Variants in PRKCH observed in about 807,000 individuals in gnomAD.
PRKCH encodes protein kinase C eta.
In PRKCH, 28 loss-of-function variants were observed where a neutral mutation model predicts 82.5. The ratio of observed to expected loss-of-function variants is 0.34; its 90% confidence interval spans 0.25 to 0.47. The LOEUF (loss-of-function observed/expected upper bound fraction) is 0.47. Among genes scored for constraint, PRKCH ranks in the 20% least tolerant of loss-of-function variants. PRKCH has a pLI of 1.00. For synonymous variants in PRKCH, 322 were observed against 327.4 expected (o/e 0.98, Z 0.18); for missense variants, 705 against 881.8 (o/e 0.80, Z 2.54).
intron 1 of PRKCH, chr14:61,353,909 C>T (rs190831252): frequency 1.3e-5 from 2 of 152,094 alleles, no homozygotes; most frequent in Admixed American, 6.6e-5. Context: ...TACACTCCAG[C>T]AGGAGCAACA....
intron 1 of PRKCH, among the ~76,000 whole-genome samples, chr14:61,206,810 A>G (rs1041425634): frequency 1.3e-5 from 2 of 151,016 alleles, no homozygotes; most frequent in Non-Finnish European, 3.0e-5. Context: ...TAGAAAAAGA[A>G]AAAAAAAAGA....
intron 1 of PRKCH, among the ~76,000 whole-genome samples, chr14:61,236,699 C>T (rs1164806367): frequency 9.0e-6 from 1 of 111,728 alleles, no homozygotes. Flanking sequence ...AGAGAAGACC[C>T]TGTCTCAAAA....
intron 1 of PRKCH, among the ~76,000 whole-genome samples, chr14:61,360,466 C>G (rs968957400): frequency 1.3e-5 from 2 of 151,954 alleles, no homozygotes; most frequent in Non-Finnish European, 2.9e-5. Context: ...AGTCGCGCCA[C>G]TGCACTCCAG....
chr14:61,380,881 T>TA (rs2046497892), intron 1 of PRKCH, among the ~76,000 whole-genome samples: 1 of 152,224 alleles, frequency 6.6e-6, no homozygotes, highest in Non-Finnish European at 1.5e-5. Context: ...AAAAGAGTTT[T>TA]ACTTTTGCCA....
chr14:61,512,380 G>A (rs540895121), intron 10 of PRKCH, among the ~76,000 whole-genome samples: 3 of 151,006 alleles, frequency 2.0e-5, no homozygotes, highest in South Asian at 2.1e-4. Flanking sequence ...TTCTGGAACT[G>A]TGTTCCCAAA....
chr14:61,221,630 C>T (rs1243342890), intron 1 of PRKCH, among the ~76,000 whole-genome samples: 1 of 152,094 alleles, frequency 6.6e-6, no homozygotes, highest in Non-Finnish European at 1.5e-5. Context: ...CACTCTGTTC[C>T]CCGGGGATAG....
intron 1 of PRKCH, among the ~76,000 whole-genome samples, chr14:61,247,934 T>C (rs1367389330): frequency 6.6e-6 from 1 of 152,074 alleles, no homozygotes; most frequent in Non-Finnish European, 1.5e-5. Flanking sequence ...CCATGGGCCT[T>C]ATTTTCTATA....
intron 5 of PRKCH, among the ~76,000 whole-genome samples, chr14:61,449,603 A>G (rs964846902): frequency 6.6e-6 from 1 of 152,116 alleles, no homozygotes; most frequent in Admixed American, 6.5e-5. Flanking sequence ...GGAGCCCTGA[A>G]CTTGGCATCT....
At chr14:61,248,545 G>T (rs1186551053) in intron 1 of PRKCH, among the ~76,000 whole-genome samples, 1 of 152,114 alleles carries the variant, frequency 6.6e-6, no homozygotes, top group Admixed American at 6.5e-5. Context: ...ATCTGAGGGG[G>T]CCTGAACAAG....
intron 1 of PRKCH, among the ~76,000 whole-genome samples, chr14:61,245,794 A>G (rs147622583): frequency 1.6e-4 from 24 of 152,364 alleles, no homozygotes; most frequent in African/African-American, 5.8e-4. Context: ...GTTCATTAGT[A>G]TCCAAAACCT....
intron 10 of PRKCH, among the ~76,000 whole-genome samples, chr14:61,490,771 G>A (rs1034066308): frequency 6.6e-6 from 1 of 152,076 alleles, no homozygotes; most frequent in Non-Finnish European, 1.5e-5. Flanking sequence ...AAAATTAGGT[G>A]GGCATGGTGT....
chr14:61,530,450 C>T lies in PRKCH; in HGVS notation c.1616C>T (p.Ala539Val). 6.2e-7 allele frequency: 1 copy of T among 1,609,256 alleles called. No individual in the cohort carries two copies. The highest frequency in any genetic ancestry group is 8.5e-7 in the Non-Finnish European group (1 of 1,177,756). The change falls in exon 12 of 14, where the codon GCA becomes GTA. Residue 539 changes from alanine (A) to valine (V), a missense_variant. Physicochemically the swap from Ala to Val is moderately conservative, Grantham distance 64. Coordinates refer to ENST00000332981, the MANE Select transcript of PRKCH (RefSeq NM_006255.5). The part of the protein sequence containing the change: ...MLYGPAVDWW[A>V]MGVLLYEMLC... ...TACGGGCCTGCAGTAGACTGGTGGGCAATGGGCGTGTTGCTCTATGAGATG... is the reference window on the plus strand; with the variant it reads ...TACGGGCCTGCAGTAGACTGGTGGGTAATGGGCGTGTTGCTCTATGAGATG...
intron 1 of PRKCH, among the ~76,000 whole-genome samples, chr14:61,309,659 A>G (rs557147278): frequency 3.1e-4 from 47 of 152,144 alleles, no homozygotes; most frequent in Non-Finnish European, 5.4e-4. Context: ...TTTGTCAAAT[A>G]TTGTCAAATC....
At chr14:61,330,182 G>C (rs1300402778) in intron 1 of PRKCH, among the ~76,000 whole-genome samples, 2 of 152,198 alleles carry the variant, frequency 1.3e-5, no homozygotes, top group Non-Finnish European at 2.9e-5. Flanking sequence ...GTAAGCCCCT[G>C]GTTTGGGGAG....
chr14:61,499,709 A>G (rs147439721), intron 10 of PRKCH, among the ~76,000 whole-genome samples: 234 of 152,174 alleles, frequency 1.5e-3, no homozygotes, highest in African/African-American at 5.5e-3. Context: ...ATGAATATCC[A>G]ACATCTGCCG....
intron 2 of PRKCH, among the ~76,000 whole-genome samples, chr14:61,419,941 A>G (rs1882748693): frequency 6.6e-6 from 1 of 152,168 alleles, no homozygotes; most frequent in Admixed American, 6.5e-5. Context: ...TTTGCCAGAG[A>G]TGCCAGTTGA....
At chr14:61,530,246 C>G (rs2043028325) in intron 11 of PRKCH, among the ~76,000 whole-genome samples, 161 bp from the exon 12 acceptor site, 1 of 152,200 alleles carries the variant, frequency 6.6e-6, no homozygotes, top group South Asian at 2.1e-4. Context: ...ACAGGGAAAA[C>G]AGACCACTCT....
intron 2 of PRKCH, among the ~76,000 whole-genome samples, chr14:61,419,366 C>T (rs1394044553): frequency 6.6e-6 from 1 of 152,160 alleles, no homozygotes; most frequent in East Asian, 1.9e-4. Flanking sequence ...GGTTTCTCAA[C>T]CCCAGCATGC....
chr14:61,523,584 TATAG>T (rs1566927560), intron 10 of PRKCH, among the ~76,000 whole-genome samples: 1 of 152,224 alleles, frequency 6.6e-6, no homozygotes, highest in East Asian at 1.9e-4. Flanking sequence ...AAAATAAGAA[TATAG>T]ATAAAGCACT....
Sources: gnomAD v4.1 joint callset for allele counts (sites outside exome capture counted in the v4.1 genomes callset) on GRCh38, gnomAD v4.1.1 for gene constraint, MANE v1.5 for transcripts, NCBI Gene and HGNC (gene_info 2026-07-23, HGNC 2026-07-21) for gene names.